RNF180: variants seen among roughly 807,000 people sequenced by gnomAD.
RNF180 encodes the protein E3 ubiquitin-protein ligase RNF180.
RNF180 carries 38 observed loss-of-function variants against 59.2 expected under a neutral mutation model. That is an observed-to-expected ratio of 0.64 (90% CI 0.50 to 0.84). The LOEUF (loss-of-function observed/expected upper bound fraction) is 0.84. Ranked by LOEUF, RNF180 falls within the 40% of genes least tolerant of loss-of-function variation. RNF180 has a pLI of 0.00. For missense variants in RNF180, 705 were observed against 700.9 expected, an observed-to-expected ratio of 1.01 and a Z score of -0.07; for synonymous variants, 262 against 240.3, an observed-to-expected ratio of 1.09 and a Z score of -0.84.
At chr5:64,235,014 C>T (rs977626565) in intron 5 of RNF180, among the ~76,000 whole-genome samples, 1 of 152,190 alleles carries the variant, frequency 6.6e-6, no homozygotes, top group African/African-American at 2.4e-5. Flanking sequence ...GGGTAGCTCA[C>T]ACTTGTAATC....
At chr5:64,303,276 CTAAT>C (rs1743252801) in intron 5 of RNF180, among the ~76,000 whole-genome samples, 1 of 151,456 alleles carries the variant, frequency 6.6e-6, no homozygotes, top group South Asian at 2.1e-4. Context: ...GTAATTTAGA[CTAAT>C]TAATAACCCT....
intron 5 of RNF180, among the ~76,000 whole-genome samples, chr5:64,288,386 C>A (rs1387857849): frequency 2.0e-5 from 3 of 152,096 alleles, no homozygotes; most frequent in Admixed American, 2.0e-4. Flanking sequence ...TATTTGGGCT[C>A]TTTTTTAGTT....
At chr5:64,324,491 T>G (rs1473164767) in intron 5 of RNF180, among the ~76,000 whole-genome samples, 3 of 152,050 alleles carry the variant, frequency 2.0e-5, no homozygotes, top group African/African-American at 7.2e-5. Context: ...TGGAAATCGG[T>G]TTTTTTTCTC....
intron 5 of RNF180, among the ~76,000 whole-genome samples, chr5:64,230,928 A>G (rs910131108): frequency 2.6e-5 from 4 of 152,212 alleles, no homozygotes; most frequent in African/African-American, 9.6e-5. Flanking sequence ...TTATGTATCC[A>G]CCATTAGTAT....
chr5:64,203,197 T>TAACAA (rs1751840924), intron 2 of RNF180, among the ~76,000 whole-genome samples: 1 of 152,218 alleles, frequency 6.6e-6, no homozygotes, highest in Non-Finnish European at 1.5e-5. Context: ...AAAGTCTTGT[T>TAACAA]GAAAATAGGC....
intron 5 of RNF180, among the ~76,000 whole-genome samples, chr5:64,312,759 G>A (rs763353437): frequency 2.6e-4 from 40 of 152,114 alleles, no homozygotes; most frequent in African/African-American, 7.7e-4. Context: ...TCCCTTAGAC[G>A]TGGTTGCATG....
At chr5:64,329,514 A>T (rs982809204) in intron 6 of RNF180, among the ~76,000 whole-genome samples, 3 of 147,942 alleles carry the variant, frequency 2.0e-5, no homozygotes, top group African/African-American at 7.5e-5. Flanking sequence ...CTGGAGTGCA[A>T]TGGTGCCATC....
At chr5:64,275,128 C>G (rs1741643254) in intron 5 of RNF180, among the ~76,000 whole-genome samples, 1 of 151,378 alleles carries the variant, frequency 6.6e-6, no homozygotes, top group African/African-American at 2.4e-5. Context: ...ATTTATGTTT[C>G]TTTAAGAATT....
chr5:64,231,544 T>C (rs943274630), intron 5 of RNF180, among the ~76,000 whole-genome samples: 1 of 152,220 alleles, frequency 6.6e-6, no homozygotes, highest in Non-Finnish European at 1.5e-5. Context: ...GTGCTCTCTT[T>C]CGGTTAATTC....
chr5:64,355,064 T>C (rs1745963717), intron 7 of RNF180, among the ~76,000 whole-genome samples: 1 of 151,940 alleles, frequency 6.6e-6, no homozygotes, highest in Admixed American at 6.6e-5. Flanking sequence ...CTGGAAACTC[T>C]AGCTGGAACA....
At chr5:64,245,637 A>G (rs1743104424) in intron 5 of RNF180, among the ~76,000 whole-genome samples, 1 of 152,190 alleles carries the variant, frequency 6.6e-6, no homozygotes, top group Non-Finnish European at 1.5e-5. Flanking sequence ...GAGACCTACA[A>G]AGAGACTTAG....
chr5:64,354,838 C>T (rs955284430), intron 7 of RNF180, among the ~76,000 whole-genome samples: 1 of 151,640 alleles, frequency 6.6e-6, no homozygotes, highest in African/African-American at 2.4e-5. Context: ...GATTGTTTTA[C>T]TTGATACAGA....
chr5:64,266,844 C>A (rs1744708042), intron 5 of RNF180, among the ~76,000 whole-genome samples: 1 of 151,980 alleles, frequency 6.6e-6, no homozygotes, highest in African/African-American at 2.4e-5. Context: ...TATTACAGTT[C>A]CAAAATTCAA....
At chr5:64,277,463 A>G (rs939361730) in intron 5 of RNF180, among the ~76,000 whole-genome samples, 1 of 152,166 alleles carries the variant, frequency 6.6e-6, no homozygotes, top group Non-Finnish European at 1.5e-5. Context: ...ATTTTGTGTG[A>G]GCCAAGGAAA....
chr5:64,367,396 G>A (rs1321181242), intron 7 of RNF180, among the ~76,000 whole-genome samples: 1 of 151,584 alleles, frequency 6.6e-6, no homozygotes, highest in Non-Finnish European at 1.5e-5. Flanking sequence ...CAAATATTGT[G>A]TAGCAGTAAA....
intron 5 of RNF180, among the ~76,000 whole-genome samples, chr5:64,285,232 C>T (rs570540210): frequency 5.9e-4 from 90 of 152,284 alleles, no homozygotes; most frequent in African/African-American, 2.1e-3. Flanking sequence ...GGTCATTATA[C>T]TTTGTTTGGG....
chr5:64,327,605 G>T (rs1321570190), intron 6 of RNF180, among the ~76,000 whole-genome samples: 1 of 152,032 alleles, frequency 6.6e-6, no homozygotes, highest in Non-Finnish European at 1.5e-5. Context: ...TCTTTTTGAT[G>T]TCCAGTTTTA....
At chr5:64,222,006 G>C (rs1741364596) in intron 5 of RNF180, among the ~76,000 whole-genome samples, 2 of 151,982 alleles carry the variant, frequency 1.3e-5, no homozygotes, top group African/African-American at 4.8e-5. Flanking sequence ...TGTTGTTTCA[G>C]AATCTCATCT....
chr5:64,314,341 T>G (rs559640530), intron 5 of RNF180, among the ~76,000 whole-genome samples: 2 of 152,108 alleles, frequency 1.3e-5, no homozygotes, highest in African/African-American at 4.8e-5. Context: ...GGGTCTCAGA[T>G]AGATAGAATT....
Sources: allele counts gnomAD v4.1 joint callset (sites outside exome capture counted in the v4.1 genomes callset), GRCh38; gene constraint gnomAD v4.1.1; transcripts MANE v1.5; gene names NCBI Gene and HGNC (gene_info 2026-07-23, HGNC 2026-07-21).